Variants in DUS3L observed in about 807,000 individuals in gnomAD.
DUS3L encodes the protein dihydrouridine synthase 3 like.
A neutral mutation model predicts 74.6 loss-of-function variants in DUS3L; 62 were observed. That is an observed-to-expected ratio of 0.83 (90% CI 0.68 to 1.03). DUS3L has a LOEUF of 1.03. DUS3L is among the 50% of genes least tolerant of loss of function. The pLI is 0.00. For synonymous variants in DUS3L, 433 were observed against 395.7 expected (o/e 1.09, Z -1.12); for missense variants, 884 against 924.4 (o/e 0.96, Z 0.57).
intron 1 of DUS3L, 138 bp from the exon 2 acceptor site, chr19:5,790,473 C>G: frequency 9.8e-7 from 1 of 1,023,128 alleles, no homozygotes; most frequent in Non-Finnish European, 1.4e-6. Context: ...CAGCTCCCAG[C>G]CTGGGAGCCC....
intron 3 of DUS3L, 79 bp downstream of exon 3, chr19:5,789,128 G>A: frequency 6.7e-7 from 1 of 1,486,472 alleles, no homozygotes; most frequent in South Asian, 1.4e-5. Context: ...AGCTAGAACA[G>A]GAACGTGGAC....
chr19:5,786,468 G>C lies in DUS3L; in HGVS notation c.1561C>G (p.Arg521Gly), dbSNP rs144091319. 1.9e-6 allele frequency: 3 copies of C among 1,612,544 alleles called. No individual in the cohort carries two copies. Among genetic ancestry groups the C allele is most frequent in the Admixed American group, 3.3e-5 (2 of 59,966 alleles). The change falls in exon 10 of 13, where the codon CGT becomes GGT. Residue 521 changes from arginine to glycine, a missense_variant and splice_region_variant. Arg to Gly is a moderately radical substitution (Grantham distance 125, BLOSUM62 -2). Transcript: ENST00000309061. Reference protein sequence around the residue: ...QTGVTGIMIARGALLKPWLFT... With the variant: ...QTGVTGIMIAGGALLKPWLFT... ...TCTCTAACATCCCTGGGCACTTACC[G>C]GGCAATCATGATCCCGGTGACACCA... is the stretch of plus-strand genomic sequence containing the variant.
intron 1 of DUS3L, 148 bp downstream of exon 1, chr19:5,790,896 C>G: frequency 1.3e-6 from 1 of 763,196 alleles, no homozygotes; most frequent in Non-Finnish European, 2.1e-6. Context: ...CTCCGCTGAC[C>G]ACCCTGCAGG....
At chr19:5,786,705 CA>C (rs2056845741) in intron 9 of DUS3L, 43 bp downstream of exon 9, 1 of 1,599,234 alleles carries the variant, frequency 6.3e-7, no homozygotes, top group East Asian at 2.2e-5. Flanking sequence ...TGTGAGTGAC[CA>C]AGGGTGGTAG....
Position 5,785,492 on chromosome 19 carries a change from G to C in DUS3L, c.1771C>G (p.Leu591Val). ...TTGATCCTCTGTGGGAGCCGCTCCAGCAGCCCCACGGGCACGTACCTGCGG... is the reference window on the plus strand; with the variant it reads ...TTGATCCTCTGTGGGAGCCGCTCCACCAGCCCCACGGGCACGTACCTGCGG... Reference protein sequence around the residue: ...FLCRYVPVGLLERLPQRINER... With the variant: ...FLCRYVPVGLVERLPQRINER... Residue 591 changes from leucine to valine, a missense_variant, in exon 12 of 13, where the codon CTG becomes GTG. Coordinates refer to ENST00000309061, the MANE Select transcript of DUS3L (RefSeq NM_020175.3). 5.7e-6 allele frequency: 9 copies of C among 1,570,368 alleles called. No homozygotes were observed. The highest frequency in any genetic ancestry group is 6.9e-6 in the Non-Finnish European group (8 of 1,157,980).
In DUS3L at chr19:5,785,197, C is replaced by T. The variant is rs1351134238; in HGVS notation, c.*6G>A. Reference sequence around the variant, plus strand: ...CGCCCCAGGGTGCCCCTGGGAAAGCCTGAGGCTACTTGTACGCGTTGGCCT... The same window carrying T: ...CGCCCCAGGGTGCCCCTGGGAAAGCTTGAGGCTACTTGTACGCGTTGGCCT... On this transcript the variant is annotated 3_prime_UTR_variant, in exon 13 of 13. Transcript: ENST00000309061. 2.5e-6 allele frequency: 4 copies of T among 1,602,620 alleles called. No individual in the cohort carries two copies. The South Asian group carries it at 3.4e-5, about 13-fold the overall frequency.
At chr19:5,789,134 T>G in intron 3 of DUS3L, 73 bp downstream of exon 3, 1 of 1,489,008 alleles carries the variant, frequency 6.7e-7, no homozygotes, top group Non-Finnish European at 8.9e-7. Flanking sequence ...AACAGGAACG[T>G]GGACACAGCT....
At position 5,785,726 on chromosome 19, in the gene DUS3L, G is replaced by A. The variant is rs760323016; in HGVS notation, c.1628C>T (p.Ser543Leu). ...CCGCAGGATGTCCAGGCGCTCGGACGACGAGATGTCCCAGTGCCGCTGCTC... is the reference window on the plus strand; with the variant it reads ...CCGCAGGATGTCCAGGCGCTCGGACAACGAGATGTCCCAGTGCCGCTGCTC... ...IKEQRHWDIS[S>L]SERLDILRDF... The change falls in exon 11 of 13, where the codon TCG (serine) becomes TTG (leucine). Residue 543 changes from serine (S) to leucine (L), a missense_variant. Transcript: ENST00000309061. 31 of 1,611,634 alleles carry A rather than the reference G, an allele frequency of 1.9e-5. No individual in the cohort carries two copies. Among genetic ancestry groups the A allele is most frequent in the Non-Finnish European group, 2.4e-5 (28 of 1,179,678 alleles).
In DUS3L at chr19:5,787,203, TGGTGGGAGGTGGTGGGAGAC is replaced by T. The variant is rs758357688; in HGVS notation, c.1279-52_1279-33del. 18 of 28,422 alleles carry T rather than the reference TGGTGGGAGGTGGTGGGAGAC, an allele frequency of 6.3e-4. No homozygotes were observed. In the East Asian group the frequency reaches 0.01, roughly 16 times the overall value. The allele number at this position is 28,422 out of a possible 1,614,324, so 1.8% of individuals were successfully genotyped here. ...GACGGTGGTGGGAGGTGGTGGGAGATGGTGGGAGGTGGTGGGAGACGGTGGGAGGTGGTGGGAGACAGGGC... is the reference window on the plus strand; with the variant it reads ...GACGGTGGTGGGAGGTGGTGGGAGATGGTGGGAGGTGGTGGGAGACAGGGC... On this transcript the variant is annotated intron_variant, in intron 7 of 12. Transcript: ENST00000309061.
At chr19:5,790,424 T>G (rs1017611204) in intron 1 of DUS3L, 89 bp from the exon 2 acceptor site, 4 of 1,509,844 alleles carry the variant, frequency 2.6e-6, no homozygotes, top group African/African-American at 1.4e-5. Context: ...CGTCCTTAAA[T>G]CCTTCTGCTG....
chr19:5,790,145 G>C lies in DUS3L; in HGVS notation c.289C>G (p.Leu97Val). 2.5e-6 allele frequency: 4 copies of C among 1,614,120 alleles called. No individual in the cohort carries two copies. The highest frequency in any genetic ancestry group is 3.4e-6 in the Non-Finnish European group (4 of 1,180,016). ...CCCCGGGCCCTCTTCTGAGTCTGTA[G>C]CTGCTCCCCGGGCTCTGCTGCCTCC... ...TEEAAEPGEQ[L>V]QTQKRARGQN... Residue 97 changes from leucine (L) to valine (V), a missense_variant, in exon 2 of 13, where the codon CTA (leucine) becomes GTA (valine). Transcript: ENST00000309061.
At chr19:5,786,922 G>A in intron 8 of DUS3L, 77 bp from the exon 9 acceptor site, 1 of 1,502,620 alleles carries the variant, frequency 6.7e-7, no homozygotes, top group Non-Finnish European at 8.9e-7. Context: ...GAGCCAGGCT[G>A]AGAGAGACAG....
Position 5,787,075 on chromosome 19 carries a change from C to A in DUS3L, c.1375G>T (p.Val459Leu). Reference protein sequence around the residue: ...RLLPELRDWGVALVTLHGRSR... With the variant: ...RLLPELRDWGLALVTLHGRSR... ...CCAAGACCCACCGTGACGAGTGCCA[C>A]GCCCCAGTCCCGCAGCTCGGGCAGC... is the stretch of plus-strand genomic sequence containing the variant. Residue 459 changes from valine to leucine, a missense_variant, in exon 8 of 13, where the codon GTG becomes TTG. Coordinates refer to ENST00000309061, the MANE Select transcript of DUS3L (RefSeq NM_020175.3). 6.5e-7 allele frequency: 1 copy of A among 1,541,866 alleles called. No homozygotes were observed. The highest frequency in any genetic ancestry group is 8.7e-7 in the Non-Finnish European group (1 of 1,150,714).
In DUS3L at chr19:5,789,202, C is replaced by A. The variant is rs1479781767; in HGVS notation, c.900+5G>T. ...TCTGCTACTGACGTTGTCCTCAACA[C>A]GTACCCGCTTCTTCTCACAGGGCCG... On this transcript the variant is annotated splice_donor_5th_base_variant and intron_variant, in intron 3 of 12. Transcript: ENST00000309061. The A allele has an allele frequency of 6.6e-7, 1 of 1,526,534 alleles. No individual in the cohort carries two copies. Among genetic ancestry groups the A allele is most frequent in the African/African-American group, 1.4e-5 (1 of 71,368 alleles). The allele number at this position is 1,526,534 out of a possible 1,614,324, so 94.6% of individuals were successfully genotyped here.
chr19:5,786,309 C>T (rs1033530867), intron 10 of DUS3L, among the ~76,000 whole-genome samples, 158 bp downstream of exon 10: 3 of 152,184 alleles, frequency 2.0e-5, no homozygotes, highest in African/African-American at 7.2e-5. Flanking sequence ...TTCCAGTCCC[C>T]TCTGCCGCAA....
rs11881339 is a variant in DUS3L at position 5,787,178 on chromosome 19, G to A, written c.1279-7C>T. ...TCAGCGGCACATCCAGCACCTACAG[G>A]ACGGTGGTGGGAGGTGGTGGGAGAT... On this transcript the variant is annotated splice_region_variant and splice_polypyrimidine_tract_variant and intron_variant, in intron 7 of 12. Coordinates refer to ENST00000309061, the MANE Select transcript of DUS3L (RefSeq NM_020175.3). 28,748 of 1,536,334 alleles carry A rather than the reference G, an allele frequency of 0.019. 411 individuals are homozygous for A. Among genetic ancestry groups the A allele is most frequent in the Non-Finnish European group, 0.021 (23,861 of 1,140,150 alleles).
At chr19:5,788,705 CTTTT>C (rs942516959) in intron 3 of DUS3L, among the ~76,000 whole-genome samples, 3 of 127,698 alleles carry the variant, frequency 2.3e-5, no homozygotes, top group Non-Finnish European at 3.3e-5. Flanking sequence ...GTGTCCAGCT[CTTTT>C]TTTTTTTTTT....
At chr19:5,789,904 A>C (rs1043927789) in intron 2 of DUS3L, 143 bp downstream of exon 2, 19 of 1,321,888 alleles carry the variant, frequency 1.4e-5, no homozygotes, top group Admixed American at 6.8e-5. Context: ...ATGTATCCCG[A>C]GGAGAATGAA....
At chr19:5,786,588 G>A (rs1468914024) in intron 9 of DUS3L, 46 bp from the exon 10 acceptor site, 3 of 1,602,794 alleles carry the variant, frequency 1.9e-6, no homozygotes, top group East Asian at 4.5e-5. Context: ...GGGCAGGTGG[G>A]ACCCTGGAGT....
Sources: gnomAD v4.1 joint callset for allele counts (sites outside exome capture counted in the v4.1 genomes callset) on GRCh38, gnomAD v4.1.1 for gene constraint, MANE v1.5 for transcripts, NCBI Gene and HGNC (gene_info 2026-07-23, HGNC 2026-07-21) for gene names.